The following HMCN1 variants were observed in gnomAD, a reference collection of about 807,000 sequenced individuals.
The protein encoded by HMCN1 is hemicentin 1, also known as hemicentin-1.
A neutral mutation model predicts 625.9 loss-of-function variants in HMCN1; 321 were observed. The ratio of observed to expected loss-of-function variants is 0.51; its 90% CI spans 0.47 to 0.56. HMCN1 has a LOEUF of 0.56. HMCN1 is among the 20% of genes least tolerant of loss of function. The pLI, the probability that HMCN1 is intolerant of heterozygous loss-of-function variation, is 0.00. For synonymous variants in HMCN1, 2,425 were observed against 2,417.6 expected (o/e 1.00, Z -0.09); for missense variants, 6,588 against 6,887.3 (o/e 0.96, Z 1.54).
Position 185,824,618 on chromosome 1 carries a change from T to C in HMCN1, c.269-21408T>C, listed in dbSNP as rs191335998. Reference sequence around the variant, plus strand: ...ACCACAATTGAAACTATGAAGACTTTTGGAGTTTTCATGGGGAAGGGGCTC... The same window carrying C: ...ACCACAATTGAAACTATGAAGACTTCTGGAGTTTTCATGGGGAAGGGGCTC... On this transcript the variant is annotated intron_variant, in intron 1 of 106. Transcript: ENST00000271588. 3.3e-4 allele frequency among the ~76,000 whole-genome samples: 50 copies of C among 152,246 alleles called. No homozygotes were observed. In the East Asian group the frequency reaches 9.6e-3, roughly 29 times the overall value.
intron 4 of HMCN1, among the ~76,000 whole-genome samples, chr1:185,888,605 G>T (rs1664830725): frequency 1.4e-5 from 2 of 147,120 alleles, no homozygotes; most frequent in South Asian, 4.2e-4. Flanking sequence ...GTTTGTCAAA[G>T]ATCAGATAGT....
At chr1:186,004,148 G>T (rs1176024634) in intron 29 of HMCN1, among the ~76,000 whole-genome samples, 1 of 152,116 alleles carries the variant, frequency 6.6e-6, no homozygotes, top group Non-Finnish European at 1.5e-5. Context: ...AACATGAGAT[G>T]ATTTTCTGTT....
chr1:186,022,464 A>T (rs1172696597), intron 35 of HMCN1, among the ~76,000 whole-genome samples: 1 of 152,142 alleles, frequency 6.6e-6, no homozygotes, highest in African/African-American at 2.4e-5. Flanking sequence ...TTGTGACTGG[A>T]AGTTACTAGT....
intron 11 of HMCN1, among the ~76,000 whole-genome samples, chr1:185,952,129 CG>C (rs1649224276): frequency 6.6e-6 from 1 of 151,268 alleles, no homozygotes; most frequent in Non-Finnish European, 1.5e-5. Flanking sequence ...AGAGCCTAAA[CG>C]CTATCTGATT....
intron 78 of HMCN1, 76 bp downstream of exon 78, chr1:186,119,374 G>T: frequency 9.5e-7 from 1 of 1,051,480 alleles, no homozygotes. Flanking sequence ...TCTGAAAGGT[G>T]GTAGGTACTG....
In HMCN1 at chr1:185,882,747, G is replaced by A. The variant is rs539920525; in HGVS notation, c.621+16884G>A. The stretch of plus-strand genomic sequence containing the variant: ...GCCATCACCTTGGGCTTTCAACCAT[G>A]AGAAATAATTATTTATAATGTATTC... On this transcript the variant is annotated intron_variant, in intron 4 of 106. Coordinates refer to ENST00000271588, the MANE Select transcript of HMCN1 (RefSeq NM_031935.3). Among the ~76,000 whole-genome samples the A allele has an allele frequency of 2.6e-5, 4 of 152,034 alleles. No individual in the cohort carries two copies. In the South Asian group the frequency reaches 6.3e-4, roughly 24 times the overall value.
intron 86 of HMCN1, among the ~76,000 whole-genome samples, chr1:186,135,405 C>T (rs1017054482): frequency 6.6e-6 from 1 of 152,098 alleles, no homozygotes; most frequent in Non-Finnish European, 1.5e-5. Flanking sequence ...CTGTCTTTGG[C>T]CGTCTTCTCA....
intron 46 of HMCN1, 37 bp downstream of exon 46, chr1:186,057,438 C>G (rs756184081): frequency 7.4e-7 from 1 of 1,348,016 alleles, no homozygotes; most frequent in Non-Finnish European, 1.1e-6. Flanking sequence ...ATCTTGTTAG[C>G]TTCATACGGC....
intron 50 of HMCN1, among the ~76,000 whole-genome samples, chr1:186,069,398 A>C (rs540929711): frequency 1.3e-5 from 2 of 152,348 alleles, no homozygotes; most frequent in South Asian, 4.1e-4. Context: ...GAAGGATCTT[A>C]GCTAGAGTGG....
intron 1 of HMCN1, among the ~76,000 whole-genome samples, chr1:185,804,551 A>C (rs1388870701): frequency 2.0e-5 from 3 of 152,044 alleles, no homozygotes; most frequent in Admixed American, 1.3e-4. Flanking sequence ...GTCTTTATGA[A>C]TTTTTTTAGT....
At chr1:186,028,401 A>G (rs558784375) in intron 36 of HMCN1, among the ~76,000 whole-genome samples, 3 of 152,320 alleles carry the variant, frequency 2.0e-5, no homozygotes, top group South Asian at 4.1e-4. Flanking sequence ...CTGCATTTCA[A>G]TGCTAGAAGG....
At chr1:185,870,504 G>A (rs996826984) in intron 4 of HMCN1, among the ~76,000 whole-genome samples, 3 of 151,994 alleles carry the variant, frequency 2.0e-5, no homozygotes, top group African/African-American at 7.2e-5. Context: ...CCAGCCTGTT[G>A]TATTGGTCCG....
intron 11 of HMCN1, among the ~76,000 whole-genome samples, chr1:185,946,739 T>G (rs1164357950): frequency 6.6e-6 from 1 of 152,218 alleles, no homozygotes; most frequent in Non-Finnish European, 1.5e-5. Context: ...GTTCACGACT[T>G]TTTTGTTAAG....
chr1:185,834,920 A>G (rs1210420748), intron 1 of HMCN1, among the ~76,000 whole-genome samples: 5 of 152,242 alleles, frequency 3.3e-5, no homozygotes, highest in Non-Finnish European at 7.3e-5. Context: ...AAATGGGGAA[A>G]ATAGCCTCTT....
chr1:185,992,201 C>G (rs1300026485), intron 22 of HMCN1, among the ~76,000 whole-genome samples: 1 of 152,042 alleles, frequency 6.6e-6, no homozygotes, highest in African/African-American at 2.4e-5. Flanking sequence ...AATATCTTCT[C>G]TCAGTCTATT....
chr1:185,829,807 C>T (rs544938862), intron 1 of HMCN1, among the ~76,000 whole-genome samples: 1 of 152,272 alleles, frequency 6.6e-6, no homozygotes, highest in East Asian at 1.9e-4. Flanking sequence ...ATTTCTGGTT[C>T]TAGATCCTTG....
chr1:186,027,401 A>G lies in HMCN1; in HGVS notation c.5749+4248A>G, dbSNP rs1183426642. 2.0e-5 allele frequency among the ~76,000 whole-genome samples: 3 copies of G among 152,218 alleles called. No individual in the cohort carries two copies. The East Asian group carries it at 5.8e-4, about 29-fold the overall frequency. On this transcript the variant is annotated intron_variant, in intron 36 of 106. Coordinates refer to ENST00000271588, the MANE Select transcript of HMCN1 (RefSeq NM_031935.3). ...TGATTATTTGGAGTCTAATAGCCCAAGCATTCATTTTATCTGCACACAATT... is the reference window on the plus strand; with the variant it reads ...TGATTATTTGGAGTCTAATAGCCCAGGCATTCATTTTATCTGCACACAATT...
intron 1 of HMCN1, among the ~76,000 whole-genome samples, chr1:185,829,725 G>T (rs1660740454): frequency 6.6e-6 from 1 of 152,166 alleles, no homozygotes. Context: ...ACATGTATGT[G>T]CATGTGTATA....
intron 89 of HMCN1, among the ~76,000 whole-genome samples, chr1:186,138,665 G>C (rs1649773996): frequency 6.6e-6 from 1 of 152,144 alleles, no homozygotes; most frequent in South Asian, 2.1e-4. Context: ...GCTCACAGGG[G>C]CCTTATAATC....
Sources: allele counts gnomAD v4.1 joint callset (sites outside exome capture counted in the v4.1 genomes callset), GRCh38; gene constraint gnomAD v4.1.1; transcripts MANE v1.5; gene names NCBI Gene and HGNC (gene_info 2026-07-23, HGNC 2026-07-21).